Variants in KCNC2 observed in about 807,000 individuals in gnomAD.
KCNC2 encodes the protein potassium voltage-gated channel subfamily C member 2, also known as voltage-gated potassium channel KCNC2.
In KCNC2, 21 loss-of-function variants were observed where a neutral mutation model predicts 44.5. The ratio of observed to expected loss-of-function variants is 0.47; its 90% CI spans 0.33 to 0.68. The LOEUF (loss-of-function observed/expected upper bound fraction) is 0.68, where lower values mean the gene tolerates loss of function less well. Ranked by LOEUF, KCNC2 falls within the 30% of genes least tolerant of loss-of-function variation. The probability of loss-of-function intolerance (pLI) is 0.01; values close to 1 mark genes in which losing one functional copy is unlikely to be tolerated. For missense variants in KCNC2, 589 were observed against 826.2 expected, an observed-to-expected ratio of 0.71 and a Z score of 3.52; for synonymous variants, 391 against 339.1, an observed-to-expected ratio of 1.15 and a Z score of -1.68.
intron 2 of KCNC2, among the ~76,000 whole-genome samples, chr12:75,180,494 C>A (rs1300819173): frequency 6.6e-6 from 1 of 151,702 alleles, no homozygotes; most frequent in Admixed American, 6.6e-5. Context: ...CTTTTAATTT[C>A]ATGGTGCGTA....
At chr12:75,158,914 G>A (rs1389616462) in intron 2 of KCNC2, among the ~76,000 whole-genome samples, 1 of 151,822 alleles carries the variant, frequency 6.6e-6, no homozygotes, top group Non-Finnish European at 1.5e-5. Context: ...TTATGCAACA[G>A]GGATGACAAA....
At chr12:75,109,741 G>A (rs577892424) in intron 2 of KCNC2, among the ~76,000 whole-genome samples, 4 of 152,054 alleles carry the variant, frequency 2.6e-5, no homozygotes, top group South Asian at 2.1e-4. Context: ...AAAAGGCCAC[G>A]GAACCCAGAA....
intron 2 of KCNC2, among the ~76,000 whole-genome samples, chr12:75,198,498 T>C (rs1418325062): frequency 1.3e-5 from 2 of 151,836 alleles, no homozygotes; most frequent in East Asian, 3.9e-4. Flanking sequence ...CTCTCATTGC[T>C]CCTACAAGAA....
rs552610574 is a variant in KCNC2 at position 75,071,407 on chromosome 12, T to G, written c.688-20090A>C. On this transcript the variant is annotated intron_variant, in intron 2 of 4. Transcript: ENST00000549446. Reference sequence around the variant, plus strand: ...GAATTTTGTTTTTCACAATCTTTAATGTAGGCAATTCAGGAGGAAACCCAA... The same window carrying G: ...GAATTTTGTTTTTCACAATCTTTAAGGTAGGCAATTCAGGAGGAAACCCAA... Among the ~76,000 whole-genome samples the G allele has an allele frequency of 1.2e-4, 18 of 152,336 alleles. No homozygotes were observed. The South Asian group carries it at 3.5e-3, about 30-fold the overall frequency.
chr12:75,108,280 A>C (rs1886948165), intron 2 of KCNC2, among the ~76,000 whole-genome samples: 1 of 152,198 alleles, frequency 6.6e-6, no homozygotes, highest in Admixed American at 6.5e-5. Context: ...CAAGCTACTT[A>C]ACTTCTCTGA....
chr12:75,132,208 T>C (rs1469027879), intron 2 of KCNC2, among the ~76,000 whole-genome samples: 4 of 152,102 alleles, frequency 2.6e-5, no homozygotes, highest in Non-Finnish European at 5.9e-5. Context: ...GAGCTTTGCA[T>C]AGTGCTTGGT....
In KCNC2 at chr12:75,207,602, C is replaced by T. The variant is rs1449254008; in HGVS notation, c.382G>A (p.Asp128Asn). Residue 128 changes from aspartate to asparagine, a missense_variant, in exon 2 of 5, where the codon GAC (aspartate) becomes AAC (asparagine). This residue lies in a region of KCNC2 where 40 missense variants were observed against 102.0 expected (regional missense o/e 0.39). Coordinates refer to ENST00000549446, the MANE Select transcript of KCNC2 (RefSeq NM_139137.4). The surrounding 1 kb of genome is among the most constrained non-coding windows in gnomAD (Gnocchi z 4.1). ...YRTGKLHCPA[D>N]VCGPLFEEEL... is the part of the protein sequence containing the mutation. ...TCCTCGAAGAGCGGCCCGCACACGT[C>T]TGCGGGGCAGTGCAGCTTGCCGGTG... 1 of 1,612,072 alleles carries T rather than the reference C, an allele frequency of 6.2e-7. No individual in the cohort carries two copies. Among genetic ancestry groups the T allele is most frequent in the East Asian group, 2.2e-5 (1 of 44,858 alleles).
At chr12:75,132,006 G>T (rs999005195) in intron 2 of KCNC2, among the ~76,000 whole-genome samples, 1 of 152,118 alleles carries the variant, frequency 6.6e-6, no homozygotes, top group Non-Finnish European at 1.5e-5. Context: ...AACTAATGGA[G>T]AAGCCTTGTC....
At chr12:75,084,306 A>AGATAGAT (rs1884796780) in intron 2 of KCNC2, among the ~76,000 whole-genome samples, 2 of 148,104 alleles carry the variant, frequency 1.4e-5, no homozygotes, top group Non-Finnish European at 2.9e-5. Context: ...ATAGATAGAT[A>AGATAGAT]GATAGATAGA....
intron 2 of KCNC2, among the ~76,000 whole-genome samples, chr12:75,159,309 G>T (rs1397578367): frequency 6.6e-6 from 1 of 151,760 alleles, no homozygotes; most frequent in African/African-American, 2.4e-5. Flanking sequence ...TGTTTAAAAA[G>T]AAATATCTGA....
At chr12:75,199,520 C>T (rs1471398815) in intron 2 of KCNC2, among the ~76,000 whole-genome samples, 1 of 151,924 alleles carries the variant, frequency 6.6e-6, no homozygotes, top group East Asian at 1.9e-4. Flanking sequence ...CTAGGACACT[C>T]CCAAATTACA....
At chr12:75,119,151 C>A (rs1456149031) in intron 2 of KCNC2, among the ~76,000 whole-genome samples, 1 of 152,088 alleles carries the variant, frequency 6.6e-6, no homozygotes, top group Non-Finnish European at 1.5e-5. Context: ...AAGTCATTTC[C>A]TTTTCACAAA....
chr12:75,047,977 A>C (rs1880719052), intron 4 of KCNC2, among the ~76,000 whole-genome samples, 176 bp downstream of exon 4: 1 of 152,138 alleles, frequency 6.6e-6, no homozygotes, highest in African/African-American at 2.4e-5. Context: ...ACGATCACAT[A>C]GGTTATTATG....
At chr12:75,068,307 T>C (rs1883039365) in intron 2 of KCNC2, among the ~76,000 whole-genome samples, 1 of 152,190 alleles carries the variant, frequency 6.6e-6, no homozygotes, top group South Asian at 2.1e-4. Context: ...TGTTTTTGTA[T>C]ACGTTTTAAT....
intron 2 of KCNC2, among the ~76,000 whole-genome samples, chr12:75,123,602 T>C (rs902276411): frequency 2.0e-5 from 3 of 152,180 alleles, no homozygotes; most frequent in Admixed American, 2.0e-4. Context: ...CAAATGTGTC[T>C]GAGGACAAAC....
At chr12:75,069,237 C>T (rs940951630) in intron 2 of KCNC2, among the ~76,000 whole-genome samples, 7 of 141,866 alleles carry the variant, frequency 4.9e-5, no homozygotes, top group African/African-American at 1.6e-4. Flanking sequence ...AAGGTTCAAG[C>T]GATTCTCCTG....
chr12:75,042,673 G>A lies in KCNC2; in HGVS notation c.*432C>T. The A allele has an allele frequency of 8.3e-7, 1 of 1,201,954 alleles. No homozygotes were observed. The allele number at this position is 1,201,954 out of a possible 1,614,324, so 74.5% of individuals were successfully genotyped here. Reference sequence around the variant, plus strand: ...ACAAGATGGTCCATGCAAATGAGCTGACACAAGTCATGTCGTGTGCAATCA... The same window carrying A: ...ACAAGATGGTCCATGCAAATGAGCTAACACAAGTCATGTCGTGTGCAATCA... On this transcript the variant is annotated 3_prime_UTR_variant, in exon 5 of 5. Coordinates refer to ENST00000549446, the MANE Select transcript of KCNC2 (RefSeq NM_139137.4).
rs73357071 is a variant in KCNC2 at position 75,058,740 on chromosome 12, T to C, written c.688-7423A>G. 3.5e-3 allele frequency among the ~76,000 whole-genome samples: 535 copies of C among 152,078 alleles called. 8 individuals are homozygous for C. The highest frequency in any genetic ancestry group is 0.013 in the African/African-American group (524 of 41,518). On this transcript the variant is annotated intron_variant, in intron 2 of 4. Coordinates refer to ENST00000549446, the MANE Select transcript of KCNC2 (RefSeq NM_139137.4). ...GTCCCCAAAACCTCAGTCTCAAATA[T>C]TATTGTTCTTGCTGTCCTTATTCTC... is the stretch of plus-strand genomic sequence containing the variant.
At position 75,181,916 on chromosome 12, in the gene KCNC2, C is replaced by CTTTTTTTTTTTTTTTT. The variant is rs61089425; in HGVS notation, c.687+25365_687+25380dup. On this transcript the variant is annotated intron_variant, in intron 2 of 4. Coordinates refer to ENST00000549446, the MANE Select transcript of KCNC2 (RefSeq NM_139137.4). Reference sequence around the variant, plus strand: ...AAACATTATTACTATTAATATCTTCCTTTTTTTTTTTTTTTTTTTTTTTTT... The same window carrying CTTTTTTTTTTTTTTTT: ...AAACATTATTACTATTAATATCTTCCTTTTTTTTTTTTTTTTTTTTTTTTTTTTTTTTTTTTTTTTT... 1.5e-3 allele frequency among the ~76,000 whole-genome samples: 72 copies of CTTTTTTTTTTTTTTTT among 47,876 alleles called. 25 individuals are homozygous for CTTTTTTTTTTTTTTTT. Among genetic ancestry groups the CTTTTTTTTTTTTTTTT allele is most frequent in the East Asian group, 3.0e-3 (3 of 1,014 alleles). 31.4% of individuals were successfully genotyped at this position (47,876 alleles called of 152,430 possible). A position where few individuals can be genotyped will look rare whatever the true frequency, so the allele number is the denominator to read the frequency against.
Sources: allele counts gnomAD v4.1 joint callset (sites outside exome capture counted in the v4.1 genomes callset), GRCh38; gene constraint gnomAD v4.1.1; regional missense constraint gnomAD v4.1.1; non-coding constraint Gnocchi (gnomAD v3.1); transcripts MANE v1.5; gene names NCBI Gene and HGNC (gene_info 2026-07-23, HGNC 2026-07-21).